The following LHFPL6 variants were observed in gnomAD, a reference collection of about 807,000 sequenced individuals.
LHFPL6 encodes the protein LHFPL tetraspan subfamily member 6 protein.
LHFPL6 carries 9 observed loss-of-function variants against 20.6 expected under a neutral mutation model. The ratio of observed to expected loss-of-function variants is 0.44; its 90% CI spans 0.26 to 0.76. The LOEUF (loss-of-function observed/expected upper bound fraction) is 0.76. LHFPL6 is among the 30% of genes least tolerant of loss of function. LHFPL6 has a pLI of 0.20. For synonymous variants in LHFPL6, 105 were observed against 98.7 expected (o/e 1.06, Z -0.38); for missense variants, 218 against 253.5 (o/e 0.86, Z 0.95).
At chr13:39,560,895 A>G (rs74046553) in intron 2 of LHFPL6, among the ~76,000 whole-genome samples, 7,109 of 152,152 alleles carry the variant, frequency 0.047, 345 homozygotes, top group African/African-American at 0.12. Flanking sequence ...CCAGACCTCT[A>G]TGAAACCTCA....
intron 2 of LHFPL6, among the ~76,000 whole-genome samples, chr13:39,520,978 G>A (rs1286724114): frequency 6.6e-6 from 1 of 152,186 alleles, no homozygotes; most frequent in Non-Finnish European, 1.5e-5. Flanking sequence ...GACAGCCTCA[G>A]TTCTGGGAAG....
intron 2 of LHFPL6, among the ~76,000 whole-genome samples, chr13:39,413,388 C>T (rs191595531): frequency 3.4e-4 from 49 of 143,110 alleles, no homozygotes; most frequent in Admixed American, 1.3e-3. Context: ...TTAAAATATT[C>T]GTAAATTATG....
chr13:39,430,344 G>A (rs981389742), intron 2 of LHFPL6, among the ~76,000 whole-genome samples: 27 of 152,172 alleles, frequency 1.8e-4, no homozygotes, highest in Admixed American at 1.4e-3. Context: ...ACAATTCTGC[G>A]AGGTTTTTCC....
chr13:39,495,779 A>ATTTTTTTTTTTTTTTTTTTTTTTT (rs10558170), intron 2 of LHFPL6, among the ~76,000 whole-genome samples: 1 of 89,542 alleles, frequency 1.1e-5, no homozygotes, highest in African/African-American at 4.2e-5. Context: ...TAACTCAATA[A>ATTTTTTTTTTTTTTTTTTTTTTTT]TTTTTTTTTT....
chr13:39,386,674 A>G (rs1870570797), intron 2 of LHFPL6, among the ~76,000 whole-genome samples: 1 of 152,200 alleles, frequency 6.6e-6, no homozygotes, highest in African/African-American at 2.4e-5. Flanking sequence ...ATCTAAGTCC[A>G]GATTTCTTGT....
intron 2 of LHFPL6, among the ~76,000 whole-genome samples, chr13:39,518,833 ATG>A (rs1870012188): frequency 6.6e-6 from 1 of 152,238 alleles, no homozygotes; most frequent in South Asian, 2.1e-4. Context: ...GTGTCTACTG[ATG>A]TTCCCTGAAG....
At chr13:39,377,318 T>C (rs1396263136) in intron 3 of LHFPL6, among the ~76,000 whole-genome samples, 1 of 152,238 alleles carries the variant, frequency 6.6e-6, no homozygotes, top group East Asian at 1.9e-4. Flanking sequence ...TGCTTTTCTC[T>C]TGTTAATCTG....
At chr13:39,494,355 T>C (rs1869029518) in intron 2 of LHFPL6, among the ~76,000 whole-genome samples, 1 of 152,194 alleles carries the variant, frequency 6.6e-6, no homozygotes, top group Non-Finnish European at 1.5e-5. Flanking sequence ...AGGGAAATAA[T>C]CATTAAGGAC....
chr13:39,378,798 A>G (rs957867141), intron 2 of LHFPL6, among the ~76,000 whole-genome samples: 3 of 152,188 alleles, frequency 2.0e-5, no homozygotes, highest in African/African-American at 7.2e-5. Context: ...AGGAAATACA[A>G]TTCAGAAGCT....
At chr13:39,353,017 CTCAG>C (rs1869633766) in intron 3 of LHFPL6, among the ~76,000 whole-genome samples, 1 of 135,242 alleles carries the variant, frequency 7.4e-6, no homozygotes. Context: ...GAGACAGAGT[CTCAG>C]TCTGTCTCCC....
chr13:39,602,727 A>AAGAGCGGACGCGGCTGGCAGGC (rs1415747858), intron 1 of LHFPL6, among the ~76,000 whole-genome samples, 156 bp downstream of exon 1: 1 of 152,230 alleles, frequency 6.6e-6, no homozygotes, highest in Non-Finnish European at 1.5e-5. Context: ...GGCAGACGCC[A>AAGAGCGGACGCGGCTGGCAGGC]AGAGCGGACG....
intron 2 of LHFPL6, among the ~76,000 whole-genome samples, chr13:39,503,055 G>T (rs867522027): frequency 2.6e-5 from 4 of 151,986 alleles, no homozygotes; most frequent in Admixed American, 6.6e-5. Context: ...ACCACACCTA[G>T]CCAATAAATG....
chr13:39,571,731 G>A (rs61956467), intron 2 of LHFPL6, among the ~76,000 whole-genome samples: 3,463 of 152,334 alleles, frequency 0.023, 97 homozygotes, highest in East Asian at 0.11. Context: ...CTAACACACC[G>A]CTGTCCGTGG....
chr13:39,457,439 A>T (rs941302745), intron 2 of LHFPL6, among the ~76,000 whole-genome samples: 1 of 152,336 alleles, frequency 6.6e-6, no homozygotes, highest in East Asian at 1.9e-4. Flanking sequence ...ATCACTACAC[A>T]CCTACTAGAT....
intron 2 of LHFPL6, among the ~76,000 whole-genome samples, chr13:39,476,911 G>C (rs1353408341): frequency 1.3e-5 from 2 of 152,238 alleles, no homozygotes; most frequent in Non-Finnish European, 2.9e-5. Context: ...CCAGTGCAAA[G>C]TGGGGATATT....
intron 2 of LHFPL6, among the ~76,000 whole-genome samples, chr13:39,473,378 T>C (rs1308946372): frequency 6.6e-6 from 1 of 150,850 alleles, no homozygotes; most frequent in Non-Finnish European, 1.5e-5. Context: ...ATTTTGTGTT[T>C]ACTAGTCCAA....
rs150182016 is a variant in LHFPL6, at chr13:39,392,303, C to T, written c.386-13777G>A. ...TGAAAATAAAAAAAGACTCCAAAAT[C>T]GGTAAAAGTGGCCGGGCGCGGTGGC... On this transcript the variant is annotated intron_variant, in intron 2 of 3. Coordinates refer to ENST00000379589, the MANE Select transcript of LHFPL6 (RefSeq NM_005780.3). Among the ~76,000 whole-genome samples, 116 of 152,208 alleles carry T rather than the reference C, an allele frequency of 7.6e-4. 1 individual carries two copies. The highest frequency in any genetic ancestry group is 2.7e-3 in the Admixed American group (41 of 15,276).
chr13:39,382,562 G>T (rs1268044314), intron 2 of LHFPL6, among the ~76,000 whole-genome samples: 2 of 151,984 alleles, frequency 1.3e-5, no homozygotes, highest in Non-Finnish European at 2.9e-5. Flanking sequence ...GCTGATTTTT[G>T]TATTTTTAGT....
intron 2 of LHFPL6, among the ~76,000 whole-genome samples, chr13:39,493,449 C>T (rs1456834373): frequency 1.3e-5 from 2 of 151,994 alleles, no homozygotes; most frequent in African/African-American, 2.4e-5. Flanking sequence ...AATTATGTCA[C>T]GTGAATTTTA....
Sources: allele counts gnomAD v4.1 joint callset (sites outside exome capture counted in the v4.1 genomes callset), GRCh38; gene constraint gnomAD v4.1.1; transcripts MANE v1.5; gene names NCBI Gene and HGNC (gene_info 2026-07-23, HGNC 2026-07-21).